AS3MT: variants seen among roughly 807,000 people sequenced by gnomAD.
The protein encoded by AS3MT is arsenite methyltransferase, also known as S-adenosyl-L-methionine:arsenic(III) methyltransferase.
AS3MT carries 47 observed loss-of-function variants against 45.3 expected under a neutral mutation model. The observed-to-expected ratio is 1.04, with a 90% CI of 0.82 to 1.32. AS3MT has a LOEUF of 1.32. Ranked by LOEUF, AS3MT falls within the 40% of genes most tolerant of loss-of-function variation. The pLI is 0.00. For missense variants in AS3MT, 396 were observed against 451.1 expected, an observed-to-expected ratio of 0.88 and a Z score of 1.11; for synonymous variants, 141 against 152.8, an observed-to-expected ratio of 0.92 and a Z score of 0.57.
At chr10:102,894,480 C>A (rs1212704632) in intron 10 of AS3MT, among the ~76,000 whole-genome samples, 3 of 151,672 alleles carry the variant, frequency 2.0e-5, no homozygotes, top group African/African-American at 7.3e-5. Context: ...AACCCTCAAC[C>A]ATCTGAACGG....
At position 102,900,788 on chromosome 10, in the gene AS3MT, GA is replaced by G; in HGVS notation, c.*91del. On this transcript the variant is annotated 3_prime_UTR_variant, in exon 11 of 11. Coordinates refer to ENST00000369880, the MANE Select transcript of AS3MT (RefSeq NM_020682.4). The stretch of plus-strand genomic sequence containing the variant: ...CTTTTCCCCATAGCACAGACCATAA[GA>G]AACAACAAATGGGGCCGGGCACAGT... The G allele has an allele frequency of 9.3e-7, 1 of 1,076,178 alleles. No homozygotes were observed. The highest frequency in any genetic ancestry group is 1.3e-5 in the South Asian group (1 of 76,484). The allele number at this position is 1,076,178 out of a possible 1,614,324, so 66.7% of individuals were successfully genotyped here. A position where few individuals can be genotyped will look rare whatever the true frequency, so the allele number is the denominator to read the frequency against.
chr10:102,885,319 CT>C (rs1844931147), intron 9 of AS3MT, among the ~76,000 whole-genome samples: 1 of 151,494 alleles, frequency 6.6e-6, no homozygotes, highest in Non-Finnish European at 1.5e-5. Context: ...GGATTTCCTT[CT>C]TTTATTTTAT....
intron 8 of AS3MT, 35 bp downstream of exon 8, chr10:102,878,545 T>G (rs1844823485): frequency 1.2e-6 from 2 of 1,607,412 alleles, no homozygotes; most frequent in Non-Finnish European, 8.5e-7. Flanking sequence ...CTATTATAAC[T>G]ACAGCTTGAA....
At chr10:102,880,608 T>C (rs1442638521) in intron 9 of AS3MT, among the ~76,000 whole-genome samples, 1 of 152,182 alleles carries the variant, frequency 6.6e-6, no homozygotes, top group Non-Finnish European at 1.5e-5. Context: ...TTGGATATTG[T>C]TTATGAACGA....
intron 5 of AS3MT, 36 bp downstream of exon 5, chr10:102,873,269 A>C: frequency 7.1e-7 from 1 of 1,403,870 alleles, no homozygotes; most frequent in Non-Finnish European, 9.4e-7. Context: ...ACTATAGCCC[A>C]TTTTCTTTAT....
chr10:102,900,785 T>A lies in AS3MT; in HGVS notation c.*85T>A. On this transcript the variant is annotated 3_prime_UTR_variant, in exon 11 of 11. Transcript: ENST00000369880. ...CTGCTTTTCCCCATAGCACAGACCA[T>A]AAGAAACAACAAATGGGGCCGGGCA... 1 of 1,100,600 alleles carries A rather than the reference T, an allele frequency of 9.1e-7. No individual in the cohort carries two copies. The highest frequency in any genetic ancestry group is 1.4e-6 in the Non-Finnish European group (1 of 731,034). 68.2% of individuals were successfully genotyped at this position (1,100,600 alleles called of 1,614,324 possible).
chr10:102,873,218 GC>G lies in AS3MT; in HGVS notation c.445del (p.His149MetfsTer27). On this transcript the variant is annotated frameshift_variant, in exon 5 of 11. Transcript: ENST00000369880. LOFTEE classifies it high-confidence loss of function. Reference sequence around the variant, plus strand: ...GGAGAGGCTGGAATCAAGAATGAGAGCCATGATATTGTTGTGTAGGTCTATA... The same window carrying G: ...GGAGAGGCTGGAATCAAGAATGAGAGCATGATATTGTTGTGTAGGTCTATA... ...KLGEAGIKNE[S>X]HDIVVSNCVI... The G allele has an allele frequency of 6.2e-7, 1 of 1,604,860 alleles. No homozygotes were observed. The highest frequency in any genetic ancestry group is 8.5e-7 in the Non-Finnish European group (1 of 1,177,528).
Position 102,900,960 on chromosome 10 carries a change from A to G in AS3MT, c.*260A>G. The G allele has an allele frequency of 3.2e-6, 1 of 310,254 alleles. No homozygotes were observed. The allele number at this position is 310,254 out of a possible 1,614,324, so 19.2% of individuals were successfully genotyped here. On this transcript the variant is annotated 3_prime_UTR_variant, in exon 11 of 11. Transcript: ENST00000369880. ...AAATTAGCTGGGCATGGTGGTGCAC[A>G]CCTATAGTCTCAGCTACTCGGGAGG...
rs1350092293 is a variant in AS3MT at position 102,901,830 on chromosome 10, G to A, written c.*1130G>A. ...CATGTTTGGTAGGAGGACTTTTGAG[G>A]TAGCTTTTGAACAAATGTTTTTTTC... On this transcript the variant is annotated 3_prime_UTR_variant, in exon 11 of 11. Transcript: ENST00000369880. 2.0e-5 allele frequency: 3 copies of A among 152,124 alleles called. No individual in the cohort carries two copies. Among genetic ancestry groups the A allele is most frequent in the Non-Finnish European group, 4.4e-5 (3 of 68,022 alleles). 9.4% of individuals were successfully genotyped at this position (152,124 alleles called of 1,614,324 possible). A position where few individuals can be genotyped will look rare whatever the true frequency, so the allele number is the denominator to read the frequency against.
chr10:102,893,862 G>A (rs1845117939), intron 10 of AS3MT, among the ~76,000 whole-genome samples: 1 of 151,704 alleles, frequency 6.6e-6, no homozygotes, highest in African/African-American at 2.4e-5. Flanking sequence ...TCAAACTGCT[G>A]ATCTTAGGTG....
intron 10 of AS3MT, among the ~76,000 whole-genome samples, chr10:102,897,227 A>G (rs1166184855): frequency 6.6e-6 from 1 of 151,544 alleles, no homozygotes; most frequent in Non-Finnish European, 1.5e-5. Context: ...TACTAAAAAT[A>G]CAAAAAATTA....
chr10:102,893,954 C>T (rs963412343), intron 10 of AS3MT, among the ~76,000 whole-genome samples: 3 of 151,652 alleles, frequency 2.0e-5, no homozygotes, highest in Non-Finnish European at 4.4e-5. Flanking sequence ...CTTTCAAATT[C>T]GCTATGTGTC....
chr10:102,897,500 C>T (rs1189759606), intron 10 of AS3MT, among the ~76,000 whole-genome samples: 2 of 150,546 alleles, frequency 1.3e-5, no homozygotes, highest in Admixed American at 6.6e-5. Flanking sequence ...GACAGAGTCT[C>T]GCTCTGTCAC....
chr10:102,882,570 C>T (rs1293556358), intron 9 of AS3MT, among the ~76,000 whole-genome samples: 1 of 151,932 alleles, frequency 6.6e-6, no homozygotes, highest in Non-Finnish European at 1.5e-5. Flanking sequence ...TCTGGCTAAG[C>T]ATCTTCAAAT....
intron 10 of AS3MT, among the ~76,000 whole-genome samples, chr10:102,897,126 G>A (rs1158969888): frequency 6.6e-6 from 1 of 152,106 alleles, no homozygotes; most frequent in East Asian, 2.0e-4. Flanking sequence ...GCTCACGCCT[G>A]TAATCCCAGC....
At chr10:102,873,293 A>ATTT (rs1335802709) in intron 5 of AS3MT, 60 bp downstream of exon 5, 3 of 1,287,594 alleles carry the variant, frequency 2.3e-6, no homozygotes, top group Non-Finnish European at 3.0e-6. Flanking sequence ...TATTATTATT[A>ATTT]TTATTGAGAT....
At chr10:102,870,027 G>T in intron 2 of AS3MT, 57 bp from the exon 3 acceptor site, 2 of 1,577,220 alleles carry the variant, frequency 1.3e-6, no homozygotes, top group South Asian at 1.1e-5. Flanking sequence ...CCCTCGCGCT[G>T]CAGTCACAGC....
chr10:102,887,631 C>T (rs532774361), intron 9 of AS3MT, among the ~76,000 whole-genome samples: 48 of 152,252 alleles, frequency 3.2e-4, no homozygotes, highest in Non-Finnish European at 6.5e-4. Context: ...TATAGCTACT[C>T]CTGTTCTTTT....
chr10:102,871,641 T>G (rs1476998313), intron 3 of AS3MT, among the ~76,000 whole-genome samples: 1 of 125,502 alleles, frequency 8.0e-6, no homozygotes, highest in Non-Finnish European at 1.6e-5. Context: ...GGTAGGAGAA[T>G]GGTGTCAACC....
Sources: allele counts gnomAD v4.1 joint callset (sites outside exome capture counted in the v4.1 genomes callset), GRCh38; gene constraint gnomAD v4.1.1; transcripts MANE v1.5; gene names NCBI Gene and HGNC (gene_info 2026-07-23, HGNC 2026-07-21).